Variants in KCNJ10 observed in about 807,000 individuals in gnomAD.
KCNJ10 encodes ATP-sensitive inward rectifier potassium channel 10.
KCNJ10 carries 9 observed loss-of-function variants against 22.2 expected under a neutral mutation model. That is an observed-to-expected ratio of 0.40 (90% CI 0.24 to 0.71). The LOEUF is 0.71. Among genes scored for constraint, KCNJ10 ranks in the 30% least tolerant of loss-of-function variants. The probability of loss-of-function intolerance (pLI) is 0.35; values close to 1 mark genes in which losing one functional copy is unlikely to be tolerated. For synonymous variants in KCNJ10, 184 were observed against 187.3 expected (o/e 0.98, Z 0.15); for missense variants, 337 against 482.7 (o/e 0.70, Z 2.83).
In KCNJ10 at chr1:160,040,947, A is replaced by C. The variant is rs1648584956; in HGVS notation, c.*446T>G. 3.3e-6 allele frequency: 1 copy of C among 306,452 alleles called. No homozygotes were observed. Among genetic ancestry groups the C allele is most frequent in the Non-Finnish European group, 6.1e-6 (1 of 164,394 alleles). The allele number at this position is 306,452 out of a possible 1,614,324, so 19.0% of individuals were successfully genotyped here. A position where few individuals can be genotyped will look rare whatever the true frequency, so the allele number is the denominator to read the frequency against. ...GTATTTCTGAAAGCACAGACCACAA[A>C]GTGACCATCAGAGAGAGTCTTGCCT... On this transcript the variant is annotated 3_prime_UTR_variant, in exon 2 of 2. Coordinates refer to ENST00000644903, the MANE Select transcript of KCNJ10 (RefSeq NM_002241.5).
intron 1 of KCNJ10, among the ~76,000 whole-genome samples, chr1:160,047,121 G>A (rs1044573843): frequency 3.3e-5 from 5 of 152,100 alleles, no homozygotes; most frequent in African/African-American, 1.2e-4. Context: ...TTTTTTGCCT[G>A]TGCACTCATT....
At chr1:160,063,595 G>T (rs1649249662) in intron 1 of KCNJ10, 1 of 152,320 alleles carries the variant, frequency 6.6e-6, no homozygotes, top group Non-Finnish European at 1.5e-5. Flanking sequence ...GAAAGGTAAA[G>T]TCTGCTTCTT....
chr1:160,063,822 C>T (rs377167110), intron 1 of KCNJ10, among the ~76,000 whole-genome samples: 4 of 152,208 alleles, frequency 2.6e-5, no homozygotes, highest in African/African-American at 4.8e-5. Context: ...CGGGACAATG[C>T]GCAGTGGATT....
In KCNJ10 at chr1:160,038,999, A is replaced by C. The variant is rs116235450; in HGVS notation, c.*2394T>G. On this transcript the variant is annotated 3_prime_UTR_variant, in exon 2 of 2. Transcript: ENST00000644903. ...GGTATGGGGGCCCATTTCTCACCAG[A>C]CCTGGCTGCTTCTAAAGCTCGGCCT... is the stretch of plus-strand genomic sequence containing the variant. 6.6e-6 allele frequency: 1 copy of C among 152,600 alleles called. No individual in the cohort carries two copies. Among genetic ancestry groups the C allele is most frequent in the East Asian group, 1.9e-4 (1 of 5,192 alleles). The allele number at this position is 152,600 out of a possible 1,614,324, so 9.5% of individuals were successfully genotyped here.
chr1:160,062,458 G>A (rs1379558157), intron 1 of KCNJ10: 1 of 152,400 alleles, frequency 6.6e-6, no homozygotes, highest in Non-Finnish European at 1.5e-5. Flanking sequence ...CGGGAGCTGG[G>A]GGACTGCTGG....
intron 1 of KCNJ10, chr1:160,062,588 T>G (rs1156703949): frequency 2.6e-5 from 4 of 152,244 alleles, no homozygotes; most frequent in Non-Finnish European, 5.9e-5. Flanking sequence ...AACCTGCCAC[T>G]CGCCAGAAAG....
intron 1 of KCNJ10, among the ~76,000 whole-genome samples, chr1:160,054,338 C>A (rs779261993): frequency 8.5e-5 from 13 of 152,284 alleles, no homozygotes; most frequent in Admixed American, 4.6e-4. Context: ...ATACCACTGT[C>A]TCCTCAGCCC....
At chr1:160,049,411 C>A (rs1466567682) in intron 1 of KCNJ10, among the ~76,000 whole-genome samples, 1 of 151,908 alleles carries the variant, frequency 6.6e-6, no homozygotes, top group Non-Finnish European at 1.5e-5. Context: ...CATGATCCTG[C>A]ACTTCTCTCT....
intron 1 of KCNJ10, among the ~76,000 whole-genome samples, chr1:160,050,559 T>C (rs991106193): frequency 6.6e-6 from 1 of 152,038 alleles, no homozygotes; most frequent in African/African-American, 2.4e-5. Flanking sequence ...AGGAGAAAAC[T>C]GTAAAACAGG....
At position 160,049,717 on chromosome 1, in the gene KCNJ10, A is replaced by G. The variant is rs868373823; in HGVS notation, c.1-7185T>C. On this transcript the variant is annotated intron_variant, in intron 1 of 1. Coordinates refer to ENST00000644903, the MANE Select transcript of KCNJ10 (RefSeq NM_002241.5). ...TATATATATATATATATATATATAT[A>G]TATGTTATCCTAAAGATTAGCACAA... Among the ~76,000 whole-genome samples, 476 of 113,762 alleles carry G rather than the reference A, an allele frequency of 4.2e-3. 7 individuals are homozygous for G. Among genetic ancestry groups the G allele is most frequent in the African/African-American group, 0.015 (451 of 29,120 alleles). The allele number at this position is 113,762 out of a possible 152,430, so 74.6% of individuals were successfully genotyped here.
Position 160,041,259 on chromosome 1 carries a change from G to A in KCNJ10, c.*134C>T. 1 of 913,604 alleles carries A rather than the reference G, an allele frequency of 1.1e-6. No individual in the cohort carries two copies. Among genetic ancestry groups the A allele is most frequent in the African/African-American group, 1.6e-5 (1 of 61,102 alleles). The allele number at this position is 913,604 out of a possible 1,614,324, so 56.6% of individuals were successfully genotyped here. ...TCCAGTTGGCCTAAGCTACCAACAG[G>A]CCACTGGGTTAAAGAAGAGGGAGTG... On this transcript the variant is annotated 3_prime_UTR_variant, in exon 2 of 2. Coordinates refer to ENST00000644903, the MANE Select transcript of KCNJ10 (RefSeq NM_002241.5). The surrounding 1 kb of genome is among the most constrained non-coding windows in gnomAD (Gnocchi z 4.4).
At chr1:160,069,787 T>C (rs1475371101) in intron 1 of KCNJ10, among the ~76,000 whole-genome samples, 1 of 152,146 alleles carries the variant, frequency 6.6e-6, no homozygotes, top group African/African-American at 2.4e-5. Context: ...GGAAAGCCCC[T>C]TCCTTAGATG....
intron 1 of KCNJ10, among the ~76,000 whole-genome samples, chr1:160,058,217 T>C (rs2101932750): frequency 6.6e-6 from 1 of 152,288 alleles, no homozygotes; most frequent in Admixed American, 6.5e-5. Context: ...CCTTCGGAAG[T>C]CCTTCCTCTG....
chr1:160,050,762 A>G (rs531239461), intron 1 of KCNJ10, among the ~76,000 whole-genome samples: 6 of 152,104 alleles, frequency 3.9e-5, no homozygotes, highest in African/African-American at 1.4e-4. Flanking sequence ...TCTTAATAGG[A>G]CACACTGGGA....
At chr1:160,043,444 C>G (rs1241224453) in intron 1 of KCNJ10, among the ~76,000 whole-genome samples, 1 of 152,160 alleles carries the variant, frequency 6.6e-6, no homozygotes, top group Non-Finnish European at 1.5e-5. Flanking sequence ...CCCTAAGCAC[C>G]CAGACCATTT....
chr1:160,041,762 A>C lies in KCNJ10; in HGVS notation c.771T>G (p.His257Gln). 6.2e-7 allele frequency: 1 copy of C among 1,614,118 alleles called. No individual in the cohort carries two copies. The highest frequency in any genetic ancestry group is 8.5e-7 in the Non-Finnish European group (1 of 1,179,988). Residue 257 changes from histidine (H) to glutamine (Q), a missense_variant, in exon 2 of 2, where the codon CAT becomes CAG. Around this residue, in one of 3 missense-constraint regions of KCNJ10, gnomAD observed 165 missense variants for 281.5 expected, o/e 0.59. Coordinates refer to ENST00000644903, the MANE Select transcript of KCNJ10 (RefSeq NM_002241.5). The surrounding 1 kb of genome is among the most constrained non-coding windows in gnomAD (Gnocchi z 4.4). ...TCAAGGGACTGGTCTCATCTACCACATGATAGAAGGTAAGGGGTAGAATAA... is the reference window on the plus strand; with the variant it reads ...TCAAGGGACTGGTCTCATCTACCACCTGATAGAAGGTAAGGGGTAGAATAA... ...PFLILPLTFY[H>Q]VVDETSPLKD...
At chr1:160,058,444 T>C (rs1219099116) in intron 1 of KCNJ10, among the ~76,000 whole-genome samples, 2 of 152,174 alleles carry the variant, frequency 1.3e-5, no homozygotes, top group East Asian at 3.8e-4. Context: ...GGCACATCTC[T>C]CTCTAGTGGT....
chr1:160,067,612 G>A (rs981368174), intron 1 of KCNJ10, among the ~76,000 whole-genome samples: 2 of 152,196 alleles, frequency 1.3e-5, no homozygotes, highest in Admixed American at 1.3e-4. Context: ...GACCAGTCAG[G>A]CAAGAGAAGA....
At position 160,061,750 on chromosome 1, in the gene KCNJ10, G is replaced by C. The variant is rs61821993; in HGVS notation, c.-1+8272C>G. 9.5e-4 allele frequency among the ~76,000 whole-genome samples: 120 copies of C among 126,762 alleles called. 1 individual carries two copies. The highest frequency in any genetic ancestry group is 3.1e-3 in the African/African-American group (107 of 34,388). The allele number at this position is 126,762 out of a possible 152,430, so 83.2% of individuals were successfully genotyped here. ...TGCGGCCGTGGAGGGGGTGCAAAAG[G>C]GAAAGGGGGGTGGGGTGGAGGGAGG... On this transcript the variant is annotated intron_variant, in intron 1 of 1. Transcript: ENST00000644903.
Sources: gnomAD v4.1 joint callset for allele counts (sites outside exome capture counted in the v4.1 genomes callset) on GRCh38, gnomAD v4.1.1 for gene constraint, gnomAD v4.1.1 regional missense constraint, Gnocchi (gnomAD v3.1) non-coding constraint, MANE v1.5 for transcripts, NCBI Gene and HGNC (gene_info 2026-07-23, HGNC 2026-07-21) for gene names.